Variants in NLRC5 observed in about 807,000 individuals in gnomAD.
NLRC5 encodes the protein NLR family CARD domain containing 5.
A neutral mutation model predicts 206.9 loss-of-function variants in NLRC5; 114 were observed. The ratio of observed to expected loss-of-function variants is 0.55; its 90% CI spans 0.47 to 0.64. The LOEUF is 0.64. NLRC5 is among the 30% of genes least tolerant of loss of function. The pLI, the probability that NLRC5 is intolerant of heterozygous loss-of-function variation, is 0.00. For missense variants in NLRC5, 2,008 were observed against 2,305.5 expected, an observed-to-expected ratio of 0.87 and a Z score of 2.64; for synonymous variants, 952 against 962.8, an observed-to-expected ratio of 0.99 and a Z score of 0.21.
chr16:56,997,168 G>A (rs758252127), intron 1 of NLRC5, among the ~76,000 whole-genome samples: 19 of 152,096 alleles, frequency 1.2e-4, no homozygotes, highest in South Asian at 1.0e-3. Context: ...CACTGTGCCC[G>A]GCCAGCATAG....
intron 1 of NLRC5, chr16:57,014,083 G>T (rs899271734): frequency 1.1e-4 from 25 of 231,900 alleles, no homozygotes; most frequent in South Asian, 3.6e-4. Context: ...CACCATTAAG[G>T]TCCACAGGCT....
chr16:57,018,777 A>G (rs1262747758), intron 2 of NLRC5, among the ~76,000 whole-genome samples: 4 of 152,238 alleles, frequency 2.6e-5, no homozygotes, highest in African/African-American at 9.6e-5. Flanking sequence ...GTGCTTTCCA[A>G]GTGTGTACTG....
intron 1 of NLRC5, among the ~76,000 whole-genome samples, chr16:57,010,118 G>A (rs76458489): frequency 0.039 from 5,870 of 152,242 alleles, 387 homozygotes; most frequent in African/African-American, 0.13. Context: ...GGTCTGGGGA[G>A]CAGTTTAGGA....
chr16:57,039,059 A>G (rs2062961784), intron 15 of NLRC5, among the ~76,000 whole-genome samples: 1 of 152,200 alleles, frequency 6.6e-6, no homozygotes, highest in South Asian at 2.1e-4. Context: ...TAATGTTTAA[A>G]AAGAGAATCT....
intron 29 of NLRC5, 175 bp from the exon 30 acceptor site, chr16:57,059,292 G>A: frequency 6.8e-7 from 1 of 1,463,444 alleles, no homozygotes; most frequent in South Asian, 1.4e-5. Context: ...GGAAGGCCAG[G>A]TATTGCCATG....
chr16:57,064,362 G>A (rs2066866762), intron 32 of NLRC5, among the ~76,000 whole-genome samples: 1 of 151,986 alleles, frequency 6.6e-6, no homozygotes, highest in Non-Finnish European at 1.5e-5. Flanking sequence ...TAATGCACAT[G>A]CATTGTAGAA....
Position 57,081,094 on chromosome 16 carries a change from G to A in NLRC5, c.5322-4G>A, listed in dbSNP as rs1207086707. On this transcript the variant is annotated splice_region_variant and splice_polypyrimidine_tract_variant and intron_variant, in intron 46 of 48. Transcript: ENST00000688547. ...CCGCTGACTTTGGGACCCCTACCCTGCAGGCTGTCCTGGAATCTCCTCGGG... is the reference window on the plus strand; with the variant it reads ...CCGCTGACTTTGGGACCCCTACCCTACAGGCTGTCCTGGAATCTCCTCGGG... The A allele has an allele frequency of 6.5e-7, 1 of 1,548,624 alleles. No homozygotes were observed. Among genetic ancestry groups the A allele is most frequent in the Non-Finnish European group, 8.7e-7 (1 of 1,147,590 alleles).
At chr16:57,021,049 C>T in intron 3 of NLRC5, 42 bp downstream of exon 3, 2 of 1,590,500 alleles carry the variant, frequency 1.3e-6, no homozygotes, top group South Asian at 1.1e-5. Flanking sequence ...CGGGCCAGTA[C>T]CTGCGTCATG....
chr16:57,061,570 TG>T, intron 31 of NLRC5, 39 bp downstream of exon 31: 2 of 1,608,604 alleles, frequency 1.2e-6, no homozygotes, highest in Non-Finnish European at 8.5e-7. Flanking sequence ...AGCAGAGGGG[TG>T]GGGGCACCCT....
chr16:57,029,974 A>G, intron 9 of NLRC5, 21 bp from the exon 10 acceptor site: 1 of 1,613,766 alleles, frequency 6.2e-7, no homozygotes, highest in Non-Finnish European at 8.5e-7. Context: ...CACTCCTGAC[A>G]CCTTTGCCAC....
intron 18 of NLRC5, 43 bp downstream of exon 18, chr16:57,041,617 T>C: frequency 6.7e-7 from 1 of 1,487,720 alleles, no homozygotes. Context: ...TGGGGCCAAT[T>C]ACAGTGAGTT....
At chr16:57,058,503 A>G (rs1389551535) in intron 28 of NLRC5, 5 of 340,958 alleles carry the variant, frequency 1.5e-5, no homozygotes, top group Non-Finnish European at 2.2e-5. Context: ...CCGTCCCTGA[A>G]ATTCTTCTGA....
intron 6 of NLRC5, among the ~76,000 whole-genome samples, chr16:57,027,862 G>T (rs115275711): frequency 5.1e-4 from 77 of 152,342 alleles, no homozygotes; most frequent in African/African-American, 1.9e-3. Context: ...TGGGAAATGT[G>T]ATCTCTGGCT....
chr16:57,019,936 C>T (rs2060476996), intron 2 of NLRC5, among the ~76,000 whole-genome samples: 1 of 152,138 alleles, frequency 6.6e-6, no homozygotes, highest in African/African-American at 2.4e-5. Flanking sequence ...AATGCATCCT[C>T]ACGGGACTGT....
intron 5 of NLRC5, 46 bp downstream of exon 5, chr16:57,023,899 C>A: frequency 6.4e-7 from 1 of 1,551,122 alleles, no homozygotes; most frequent in Non-Finnish European, 8.8e-7. Flanking sequence ...GATGGGGTTG[C>A]CTGGGGGCCA....
At chr16:57,007,556 C>G (rs1567516118) in intron 1 of NLRC5, among the ~76,000 whole-genome samples, 2 of 150,770 alleles carry the variant, frequency 1.3e-5, no homozygotes, top group Admixed American at 1.3e-4. Flanking sequence ...AACTCAGTCT[C>G]TATTAAAAAT....
At chr16:56,997,719 C>A (rs1444522977) in intron 1 of NLRC5, among the ~76,000 whole-genome samples, 1 of 152,038 alleles carries the variant, frequency 6.6e-6, no homozygotes, top group African/African-American at 2.4e-5. Flanking sequence ...TGCTTAGGAG[C>A]ACAGGCACAC....
At chr16:57,034,028 A>G in intron 12 of NLRC5, 140 bp from the exon 13 acceptor site, 1 of 653,666 alleles carries the variant, frequency 1.5e-6, no homozygotes, top group Non-Finnish European at 2.7e-6. Context: ...CTTGCTCAAG[A>G]TCACCCAGCT....
At position 57,026,201 on chromosome 16, in the gene NLRC5, C is replaced by A; in HGVS notation, c.1258C>A (p.Leu420Ile). 6.2e-7 allele frequency: 1 copy of A among 1,613,770 alleles called. No individual in the cohort carries two copies. Among genetic ancestry groups the A allele is most frequent in the Non-Finnish European group, 8.5e-7 (1 of 1,180,038 alleles). The part of the protein sequence containing the change: ...QVACLCLHHL[L>I]PDHAPGQSVA... ...CGCCTGTCTCTGCCTCCACCATCTGCTTCCTGACCACGCCCCAGGCCAGTC... is the reference window on the plus strand; with the variant it reads ...CGCCTGTCTCTGCCTCCACCATCTGATTCCTGACCACGCCCCAGGCCAGTC... The change falls in exon 6 of 49, where the codon CTT becomes ATT. Residue 420 changes from leucine to isoleucine, a missense_variant. Transcript: ENST00000688547.
Sources: allele counts gnomAD v4.1 joint callset (sites outside exome capture counted in the v4.1 genomes callset), GRCh38; gene constraint gnomAD v4.1.1; transcripts MANE v1.5; gene names NCBI Gene and HGNC (gene_info 2026-07-23, HGNC 2026-07-21).